OPCML: variants seen among roughly 807,000 people sequenced by gnomAD.
OPCML encodes opioid binding protein/cell adhesion molecule like.
OPCML carries 13 observed loss-of-function variants against 37.8 expected under a neutral mutation model. That is an observed-to-expected ratio of 0.34 (90% CI 0.22 to 0.55). The LOEUF (loss-of-function observed/expected upper bound fraction) is 0.55, where lower values mean the gene tolerates loss of function less well. Ranked by LOEUF, OPCML falls within the 20% of genes least tolerant of loss-of-function variation. The probability of loss-of-function intolerance (pLI) is 0.91; values close to 1 mark genes in which losing one functional copy is unlikely to be tolerated. For synonymous variants in OPCML, 176 were observed against 168.8 expected (o/e 1.04, Z -0.33); for missense variants, 341 against 435.6 (o/e 0.78, Z 1.93).
chr11:132,729,547 G>A (rs139090618), intron 2 of OPCML, among the ~76,000 whole-genome samples: 13 of 152,264 alleles, frequency 8.5e-5, no homozygotes, highest in South Asian at 4.1e-4. Context: ...CAGGTACATC[G>A]TCTGTCTCCT....
In OPCML at chr11:133,458,219, CAT is replaced by C. The variant is rs565455697; in HGVS notation, c.61+74043_61+74044del. 2.8e-3 allele frequency among the ~76,000 whole-genome samples: 331 copies of C among 119,992 alleles called. 2 individuals carry two copies. The highest frequency in any genetic ancestry group is 0.015 in the African/African-American group (297 of 19,964). The allele number at this position is 119,992 out of a possible 152,430, so 78.7% of individuals were successfully genotyped here. ...ATATACACGTGTGTGTATATATACA[CAT>C]ATATACACGTGTGTGTATATATACA... On this transcript the variant is annotated intron_variant, in intron 1 of 7. Coordinates refer to ENST00000524381, the MANE Select transcript of OPCML (RefSeq NM_001012393.5).
At chr11:133,315,059 A>G (rs1943172150) in intron 1 of OPCML, among the ~76,000 whole-genome samples, 1 of 152,186 alleles carries the variant, frequency 6.6e-6, no homozygotes, top group African/African-American at 2.4e-5. Flanking sequence ...ACCTAACTAA[A>G]TAAGGTAAAA....
chr11:132,712,121 G>A (rs1565797097), intron 2 of OPCML, among the ~76,000 whole-genome samples: 1 of 152,196 alleles, frequency 6.6e-6, no homozygotes, highest in Admixed American at 6.5e-5. Context: ...AGAGGAGGAA[G>A]GGGTTGGTAG....
At chr11:132,964,689 G>A (rs897668540) in intron 1 of OPCML, among the ~76,000 whole-genome samples, 10 of 152,106 alleles carry the variant, frequency 6.6e-5, no homozygotes, top group Admixed American at 4.6e-4. Context: ...CCACTCCTCC[G>A]TGACCTTACA....
intron 1 of OPCML, among the ~76,000 whole-genome samples, chr11:133,135,051 A>G (rs1949666003): frequency 6.6e-6 from 1 of 152,204 alleles, no homozygotes; most frequent in African/African-American, 2.4e-5. Context: ...ACTGAATTGT[A>G]CAATCACTAA....
intron 2 of OPCML, among the ~76,000 whole-genome samples, chr11:132,938,101 G>A (rs575687044): frequency 1.3e-5 from 2 of 151,870 alleles, no homozygotes; most frequent in African/African-American, 2.4e-5. Flanking sequence ...TAGATATAAG[G>A]GTTTCATTGC....
At chr11:133,260,192 A>G (rs1317872185) in intron 1 of OPCML, among the ~76,000 whole-genome samples, 1 of 151,950 alleles carries the variant, frequency 6.6e-6, no homozygotes, top group African/African-American at 2.4e-5. Context: ...AAATTTGAAG[A>G]AGGTGGGAGC....
chr11:133,329,222 T>G (rs2136643723), intron 1 of OPCML, among the ~76,000 whole-genome samples: 1 of 152,244 alleles, frequency 6.6e-6, no homozygotes, highest in South Asian at 2.1e-4. Flanking sequence ...CGCTCATGGG[T>G]AGGGAGAATC....
At position 133,197,816 on chromosome 11, in the gene OPCML, C is replaced by T. The variant is rs147428022; in HGVS notation, c.62-254806G>A. On this transcript the variant is annotated intron_variant, in intron 1 of 7. Coordinates refer to ENST00000524381, the MANE Select transcript of OPCML (RefSeq NM_001012393.5). ...TTGCTTCAATGGAACAAGCGTGATC[C>T]GAGTAGGACGCCTCCCCAAACAGCC... Among the ~76,000 whole-genome samples the T allele has an allele frequency of 5.3e-5, 8 of 152,234 alleles. No individual in the cohort carries two copies. The East Asian group carries it at 1.4e-3, about 26-fold the overall frequency.
At chr11:132,723,655 C>T (rs947422348) in intron 2 of OPCML, among the ~76,000 whole-genome samples, 50 of 152,314 alleles carry the variant, frequency 3.3e-4, no homozygotes, top group African/African-American at 1.2e-3. Context: ...CTTCTCTCTC[C>T]TTTCTCTTTC....
chr11:132,655,268 G>T (rs1019085702), intron 3 of OPCML, among the ~76,000 whole-genome samples: 3 of 152,216 alleles, frequency 2.0e-5, no homozygotes, highest in African/African-American at 7.2e-5. Flanking sequence ...AGGTGCCACT[G>T]AGGTGGCACT....
At chr11:132,824,417 G>A (rs1940177489) in intron 2 of OPCML, among the ~76,000 whole-genome samples, 1 of 152,152 alleles carries the variant, frequency 6.6e-6, no homozygotes, top group Admixed American at 6.5e-5. Flanking sequence ...AGCCAAGTCA[G>A]CCTCAGTTCT....
At chr11:133,044,318 A>G (rs998750535) in intron 1 of OPCML, among the ~76,000 whole-genome samples, 2 of 152,234 alleles carry the variant, frequency 1.3e-5, no homozygotes, top group African/African-American at 4.8e-5. Flanking sequence ...TAGGAATACA[A>G]TAAGAAAGGA....
chr11:132,455,292 C>G lies in OPCML; in HGVS notation c.506-17933G>C, dbSNP rs143169032. ...TCAGAGATGCCAACTGGCTGCTTAG[C>G]CTGAGAGAAGCCTGGAGTGTGCAGT... is the stretch of plus-strand genomic sequence containing the variant. On this transcript the variant is annotated intron_variant, in intron 4 of 7. Transcript: ENST00000524381. Among the ~76,000 whole-genome samples, 300 of 152,304 alleles carry G rather than the reference C, an allele frequency of 2.0e-3. 1 individual carries two copies. Among genetic ancestry groups the G allele is most frequent in the Non-Finnish European group, 3.2e-3 (218 of 68,030 alleles).
At chr11:132,833,401 G>A (rs1940825337) in intron 2 of OPCML, among the ~76,000 whole-genome samples, 1 of 152,106 alleles carries the variant, frequency 6.6e-6, no homozygotes, top group South Asian at 2.1e-4. Context: ...GAGCTTCAGG[G>A]GCAATAACAC....
chr11:133,061,605 C>T lies in OPCML; in HGVS notation c.62-118595G>A, dbSNP rs747124748. The stretch of plus-strand genomic sequence containing the variant: ...TTCTGAGCTCTCATGTATATTTCAC[C>T]ACGTGTCCTACCTAGTCTTACACTC... On this transcript the variant is annotated intron_variant, in intron 1 of 7. Transcript: ENST00000524381. Among the ~76,000 whole-genome samples, 12 of 152,116 alleles carry T rather than the reference C, an allele frequency of 7.9e-5. 1 individual carries two copies. The highest frequency in any genetic ancestry group is 2.6e-4 in the Admixed American group (4 of 15,286).
intron 1 of OPCML, among the ~76,000 whole-genome samples, chr11:133,135,499 G>A (rs1158451997): frequency 2.6e-5 from 4 of 151,150 alleles, no homozygotes; most frequent in Admixed American, 6.6e-5. Context: ...TGAGATAGGA[G>A]GGTTTCCTCT....
At chr11:132,672,377 G>T (rs555190336) in intron 2 of OPCML, among the ~76,000 whole-genome samples, 1 of 152,130 alleles carries the variant, frequency 6.6e-6, no homozygotes, top group Non-Finnish European at 1.5e-5. Context: ...GCAGTAATAC[G>T]CAAGGGAAAC....
intron 1 of OPCML, among the ~76,000 whole-genome samples, chr11:133,465,476 A>C (rs1946953958): frequency 6.6e-6 from 1 of 151,366 alleles, no homozygotes; most frequent in East Asian, 1.9e-4. Flanking sequence ...GTTTTAGTTC[A>C]TTTGTCCAAC....
Sources: allele counts gnomAD v4.1 joint callset (sites outside exome capture counted in the v4.1 genomes callset), GRCh38; gene constraint gnomAD v4.1.1; transcripts MANE v1.5; gene names NCBI Gene and HGNC (gene_info 2026-07-23, HGNC 2026-07-21).